Variants in ABHD3 observed in about 807,000 individuals in gnomAD.
ABHD3 encodes the protein phospholipase ABHD3.
A neutral mutation model predicts 48.8 loss-of-function variants in ABHD3; 46 were observed. That is an observed-to-expected ratio of 0.94 (90% CI 0.74 to 1.20). ABHD3 has a LOEUF of 1.20. Among genes scored for constraint, ABHD3 ranks in the 50% most tolerant of loss-of-function variants. The pLI, the probability that ABHD3 is intolerant of heterozygous loss-of-function variation, is 0.00. For missense variants in ABHD3, 490 were observed against 497.8 expected (o/e 0.98, Z 0.15); for synonymous variants, 192 against 183.7 (o/e 1.04, Z -0.36).
chr18:21,659,312 C>T lies in ABHD3; in HGVS notation c.700G>A (p.Gly234Arg). The T allele has an allele frequency of 6.2e-7, 1 of 1,609,780 alleles. No individual in the cohort carries two copies. ...GCTGCCATCAAAGGCGTTTTGGACC[C>T]AATTTTGCCCAAGTAATTTAGAAGC... is the stretch of plus-strand genomic sequence containing the variant. ...MLLLNYLGKIGSKTPLMAAAT... is the reference protein window; with the variant it reads ...MLLLNYLGKIRSKTPLMAAAT... The change falls in exon 6 of 9, where the codon GGG becomes AGG. Residue 234 changes from glycine (G) to arginine (R), a missense_variant. Gly to Arg is a moderately radical substitution (Grantham distance 125). Coordinates refer to ENST00000289119, the MANE Select transcript of ABHD3 (RefSeq NM_138340.5).
At chr18:21,694,874 C>T (rs2040333506) in intron 3 of ABHD3, among the ~76,000 whole-genome samples, 1 of 152,116 alleles carries the variant, frequency 6.6e-6, no homozygotes, top group Non-Finnish European at 1.5e-5. Flanking sequence ...TAAAATGACC[C>T]TTTTGGCTCT....
At chr18:21,661,102 T>TAAAA (rs35710540) in intron 5 of ABHD3, among the ~76,000 whole-genome samples, 864 of 57,172 alleles carry the variant, frequency 0.015, 18 homozygotes, top group Middle Eastern at 0.036. Flanking sequence ...AACTACAAGC[T>TAAAA]AAAAAAAAAA....
At chr18:21,673,339 G>C (rs1014538742) in intron 4 of ABHD3, among the ~76,000 whole-genome samples, 5 of 152,200 alleles carry the variant, frequency 3.3e-5, no homozygotes, top group Non-Finnish European at 7.3e-5. Flanking sequence ...TGTTGCCCAG[G>C]CTGGAGTGCA....
At chr18:21,675,472 T>G (rs575292108) in intron 4 of ABHD3, among the ~76,000 whole-genome samples, 2 of 152,002 alleles carry the variant, frequency 1.3e-5, no homozygotes, top group East Asian at 3.9e-4. Flanking sequence ...TTTCACTGTG[T>G]TAGCCAGAAT....
At chr18:21,686,173 A>C (rs1407165121) in intron 3 of ABHD3, among the ~76,000 whole-genome samples, 4 of 152,260 alleles carry the variant, frequency 2.6e-5, no homozygotes, top group Non-Finnish European at 5.9e-5. Flanking sequence ...GTAAATACAT[A>C]CAGAAAAGTC....
Position 21,704,698 on chromosome 18 carries a change from G to A in ABHD3, c.-33C>T, listed in dbSNP as rs746826257. ...GAGCGCGGCGCGCGGGTCCTGCGGC[G>A]GGAGGAGAGCCGGCTGGCGAGCGGG... is the stretch of plus-strand genomic sequence containing the variant. On this transcript the variant is annotated 5_prime_UTR_variant, in exon 1 of 9. Coordinates refer to ENST00000289119, the MANE Select transcript of ABHD3 (RefSeq NM_138340.5). The A allele has an allele frequency of 5.0e-6, 7 of 1,388,576 alleles. No homozygotes were observed. In the Admixed American group the frequency reaches 9.7e-5, roughly 19 times the overall value. 86.0% of individuals were successfully genotyped at this position (1,388,576 alleles called of 1,614,324 possible).
intron 4 of ABHD3, among the ~76,000 whole-genome samples, chr18:21,665,861 C>T (rs1413682649): frequency 6.6e-6 from 1 of 151,716 alleles, no homozygotes; most frequent in Non-Finnish European, 1.5e-5. Context: ...CCCCAAATCC[C>T]CAAAATTTTA....
At chr18:21,683,807 T>C in intron 4 of ABHD3, 113 bp downstream of exon 4, 1 of 1,051,318 alleles carries the variant, frequency 9.5e-7, no homozygotes, top group South Asian at 2.3e-5. Context: ...TATAATAAAT[T>C]TGTATTGCTT....
chr18:21,671,078 T>C (rs2146300357), intron 4 of ABHD3, among the ~76,000 whole-genome samples: 1 of 152,268 alleles, frequency 6.6e-6, no homozygotes, highest in East Asian at 1.9e-4. Flanking sequence ...CTCACAGCTG[T>C]TCTCAATCCT....
chr18:21,691,627 CTG>C (rs1388838431), intron 3 of ABHD3, among the ~76,000 whole-genome samples: 1 of 152,184 alleles, frequency 6.6e-6, no homozygotes, highest in African/African-American at 2.4e-5. Context: ...ATGGAGAACA[CTG>C]AAAGTCAATT....
chr18:21,663,826 C>A, intron 5 of ABHD3: 1 of 1,526,612 alleles, frequency 6.6e-7, no homozygotes, highest in South Asian at 1.2e-5. Flanking sequence ...ATCAGAAGGT[C>A]AACATGGCAG....
intron 3 of ABHD3, among the ~76,000 whole-genome samples, chr18:21,697,205 A>G (rs920191443): frequency 1.1e-4 from 16 of 150,788 alleles, no homozygotes; most frequent in Admixed American, 4.0e-4. Flanking sequence ...CCTCCTGAGT[A>G]GCTGGGACTA....
rs61119109 is a variant in ABHD3, at chr18:21,675,262, GTTTTTTTTTTT to G, written c.555+8647_555+8657del. 5.8e-5 allele frequency among the ~76,000 whole-genome samples: 5 copies of G among 85,490 alleles called. No individual in the cohort carries two copies. In the East Asian group the frequency reaches 1.9e-3, roughly 33 times the overall value. The allele number at this position is 85,490 out of a possible 152,430, so 56.1% of individuals were successfully genotyped here. Reference sequence around the variant, plus strand: ...TGTCCTCATCTGTGGAATGAGGTGGGTTTTTTTTTTTTTTTTTTTTTTTTGAGACTGAGTCT... The same window carrying G: ...TGTCCTCATCTGTGGAATGAGGTGGGTTTTTTTTTTTTTGAGACTGAGTCT... On this transcript the variant is annotated intron_variant, in intron 4 of 8. Transcript: ENST00000289119.
intron 3 of ABHD3, among the ~76,000 whole-genome samples, chr18:21,700,918 G>A (rs1158247364): frequency 3.2e-5 from 4 of 125,948 alleles, no homozygotes; most frequent in East Asian, 2.2e-4. Flanking sequence ...ATGCCACTGC[G>A]CTCCATGCTG....
Position 21,683,965 on chromosome 18 carries a change from T to C in ABHD3, c.510A>G (p.Arg170=). 6.3e-7 allele frequency: 1 copy of C among 1,595,170 alleles called. No homozygotes were observed. The highest frequency in any genetic ancestry group is 8.5e-7 in the Non-Finnish European group (1 of 1,169,830). ...CTCCTCTGTTGTTAAAAACCACACA[T>C]CTAAAAACCAGGAAAGCAATTTTTG... The part of the protein sequence containing the change: ...MIHLSEELGY[R]CVVFNNRGVA... The change falls in exon 4 of 9, where the codon AGA becomes AGG. Residue 170 remains arginine (R), a splice_region_variant and synonymous_variant. Transcript: ENST00000289119.
rs901263653 is a variant in ABHD3 at position 21,689,082 on chromosome 18, C to T, written c.510-5117G>A. ...ATACATTCTTGAAAAAATATAAAGG[C>T]AGTAGAGAACAACAATGACAACAAA... is the stretch of plus-strand genomic sequence containing the variant. On this transcript the variant is annotated intron_variant, in intron 3 of 8. Coordinates refer to ENST00000289119, the MANE Select transcript of ABHD3 (RefSeq NM_138340.5). 1.8e-4 allele frequency among the ~76,000 whole-genome samples: 28 copies of T among 152,150 alleles called. 1 individual carries two copies. The highest frequency in any genetic ancestry group is 1.7e-3 in the South Asian group (8 of 4,808).
At chr18:21,697,917 A>G (rs1427299742) in intron 3 of ABHD3, among the ~76,000 whole-genome samples, 5 of 152,148 alleles carry the variant, frequency 3.3e-5, no homozygotes, top group Non-Finnish European at 7.3e-5. Context: ...TGTCTAAATC[A>G]TATCTCGTAT....
intron 4 of ABHD3, among the ~76,000 whole-genome samples, chr18:21,668,240 A>G (rs1348222014): frequency 6.6e-6 from 1 of 151,392 alleles, no homozygotes; most frequent in Non-Finnish European, 1.5e-5. Flanking sequence ...AGAAAAGAAA[A>G]TATCTTCTAC....
chr18:21,673,467 T>C (rs35729699), intron 4 of ABHD3, among the ~76,000 whole-genome samples: 2,859 of 152,202 alleles, frequency 0.019, 96 homozygotes, highest in African/African-American at 0.065. Context: ...GCTAATTTTG[T>C]ATTTTTAGTA....
Sources: gnomAD v4.1 joint callset for allele counts (sites outside exome capture counted in the v4.1 genomes callset) on GRCh38, gnomAD v4.1.1 for gene constraint, MANE v1.5 for transcripts, NCBI Gene and HGNC (gene_info 2026-07-23, HGNC 2026-07-21) for gene names.